The following CHRM2 variants were observed in gnomAD, a reference collection of about 807,000 sequenced individuals.
CHRM2 encodes muscarinic acetylcholine receptor M2.
A neutral mutation model predicts 25.0 loss-of-function variants in CHRM2; 8 were observed. The observed-to-expected ratio is 0.32, with a 90% CI of 0.19 to 0.58. The LOEUF is 0.58. Ranked by LOEUF, CHRM2 falls within the 20% of genes least tolerant of loss-of-function variation. The pLI, the probability that CHRM2 is intolerant of heterozygous loss-of-function variation, is 0.88. For missense variants in CHRM2, 440 were observed against 567.1 expected, an observed-to-expected ratio of 0.78 and a Z score of 2.28; for synonymous variants, 202 against 205.7, an observed-to-expected ratio of 0.98 and a Z score of 0.15.
intron 3 of CHRM2, among the ~76,000 whole-genome samples, chr7:136,994,521 C>CTTTTTTTTTTTTTTTTTT (rs757243972): frequency 4.2e-4 from 30 of 71,362 alleles, no homozygotes; most frequent in African/African-American, 8.5e-4. Flanking sequence ...TTTTTCTTTT[C>CTTTTTTTTTTTTTTTTTT]TTTTTTTTTT....
At chr7:136,896,327 G>A (rs1381538530) in intron 2 of CHRM2, among the ~76,000 whole-genome samples, 1 of 152,142 alleles carries the variant, frequency 6.6e-6, no homozygotes, top group Admixed American at 6.5e-5. Context: ...TTTCTCAATG[G>A]ACTGTGAAAG....
In CHRM2 at chr7:137,019,199, A is replaced by T. The variant is rs1316270529; in HGVS notation, c.*2933A>T. 2 of 151,914 alleles carry T rather than the reference A, an allele frequency of 1.3e-5. No homozygotes were observed. Among genetic ancestry groups the T allele is most frequent in the African/African-American group, 2.4e-5 (1 of 41,418 alleles). 9.4% of individuals were successfully genotyped at this position (151,914 alleles called of 1,614,324 possible). A position where few individuals can be genotyped will look rare whatever the true frequency, so the allele number is the denominator to read the frequency against. The stretch of plus-strand genomic sequence containing the variant: ...AAAATAACCCTGCATTATTTTTAGA[A>T]TATCAATGCAAATTCCTCACCTGTT... On this transcript the variant is annotated 3_prime_UTR_variant, in exon 4 of 4. Transcript: ENST00000680005.
intron 3 of CHRM2, among the ~76,000 whole-genome samples, chr7:137,012,317 T>C (rs1306114257): frequency 1.3e-5 from 2 of 152,054 alleles, no homozygotes; most frequent in Non-Finnish European, 2.9e-5. Context: ...AAAATGTTTT[T>C]GTTCAAATAA....
At chr7:136,999,574 T>A (rs1803848935) in intron 3 of CHRM2, among the ~76,000 whole-genome samples, 2 of 137,332 alleles carry the variant, frequency 1.5e-5, no homozygotes, top group African/African-American at 5.5e-5. Context: ...CAGGCCCCGG[T>A]GTATGATGTT....
intron 2 of CHRM2, among the ~76,000 whole-genome samples, chr7:136,935,577 T>C (rs894279475): frequency 2.0e-5 from 3 of 152,330 alleles, no homozygotes; most frequent in Admixed American, 6.5e-5. Context: ...GCTGTTTCCA[T>C]TGGGAGCTGT....
chr7:136,900,512 G>A (rs570106451), intron 2 of CHRM2, among the ~76,000 whole-genome samples: 57 of 152,062 alleles, frequency 3.7e-4, no homozygotes, highest in African/African-American at 1.1e-3. Context: ...CCAGAAACAA[G>A]GCTCACTTCT....
At chr7:136,911,375 C>G (rs1192766773) in intron 2 of CHRM2, among the ~76,000 whole-genome samples, 1 of 151,826 alleles carries the variant, frequency 6.6e-6, no homozygotes, top group African/African-American at 2.4e-5. Flanking sequence ...AATCTAACCA[C>G]TCTATAAATT....
At chr7:137,000,863 T>C (rs1803989370) in intron 3 of CHRM2, among the ~76,000 whole-genome samples, 1 of 152,164 alleles carries the variant, frequency 6.6e-6, no homozygotes, top group African/African-American at 2.4e-5. Flanking sequence ...CCAATTCGCT[T>C]AACCCCAGCA....
chr7:137,000,547 A>AGAAAGAAGGAAGGAAGGAAG (rs1803941932), intron 3 of CHRM2, among the ~76,000 whole-genome samples: 1 of 95,174 alleles, frequency 1.1e-5, no homozygotes, highest in African/African-American at 3.6e-5. Context: ...AAAGAAAGAA[A>AGAAAGAAGGAAGGAAGGAAG]GAAGGAAGGA....
At chr7:136,905,359 ATTCAT>A (rs1797476370) in intron 2 of CHRM2, among the ~76,000 whole-genome samples, 1 of 151,768 alleles carries the variant, frequency 6.6e-6, no homozygotes, top group South Asian at 2.1e-4. Context: ...TCATTATATT[ATTCAT>A]TTATTTTTGT....
intron 2 of CHRM2, among the ~76,000 whole-genome samples, chr7:136,925,105 C>T (rs1479352849): frequency 6.6e-6 from 1 of 152,106 alleles, no homozygotes; most frequent in Non-Finnish European, 1.5e-5. Flanking sequence ...GTTAATGTCC[C>T]ACTTAAAATG....
intron 2 of CHRM2, chr7:136,899,375 A>T (rs532610372): frequency 6.6e-6 from 1 of 152,140 alleles, no homozygotes; most frequent in Non-Finnish European, 1.5e-5. Flanking sequence ...TAAAAATGTG[A>T]ATAATTGGTT....
At chr7:136,920,628 T>C (rs1206667987) in intron 2 of CHRM2, among the ~76,000 whole-genome samples, 8 of 152,184 alleles carry the variant, frequency 5.3e-5, no homozygotes, top group Admixed American at 5.2e-4. Context: ...CTCTACACCC[T>C]AAGCATGTGT....
In CHRM2 at chr7:137,018,105, A is replaced by G. The variant is rs1805270869; in HGVS notation, c.*1839A>G. 1 of 151,868 alleles carries G rather than the reference A, an allele frequency of 6.6e-6. No homozygotes were observed. The allele number at this position is 151,868 out of a possible 1,614,324, so 9.4% of individuals were successfully genotyped here. A position where few individuals can be genotyped will look rare whatever the true frequency, so the allele number is the denominator to read the frequency against. Reference sequence around the variant, plus strand: ...TTAGTTACATGGTAAATTTATCAATATTAGACCCCAGCACTTAAAAGAATT... The same window carrying G: ...TTAGTTACATGGTAAATTTATCAATGTTAGACCCCAGCACTTAAAAGAATT... On this transcript the variant is annotated 3_prime_UTR_variant, in exon 4 of 4. Transcript: ENST00000680005.
At chr7:136,967,615 G>A (rs985281086) in intron 2 of CHRM2, among the ~76,000 whole-genome samples, 2 of 151,914 alleles carry the variant, frequency 1.3e-5, no homozygotes, top group African/African-American at 4.8e-5. Context: ...CTTCCAACTT[G>A]AGGACTGTAA....
chr7:136,871,426 G>A (rs1191439971), intron 2 of CHRM2: 1 of 152,670 alleles, frequency 6.6e-6, no homozygotes, highest in East Asian at 1.9e-4. Flanking sequence ...CTGGTGCTGG[G>A]ATGCGCCAGC....
rs1237642464 is a variant in CHRM2, at chr7:136,911,713, TC to T, written c.-125+42296del. On this transcript the variant is annotated intron_variant, in intron 2 of 3. Transcript: ENST00000680005. ...TTCCGTTTTCAAACCTGTTTACATG[TC>T]GAATTTTCTTGTCTCTTTTATGTAG... 2.6e-5 allele frequency among the ~76,000 whole-genome samples: 4 copies of T among 151,974 alleles called. No homozygotes were observed. In the East Asian group the frequency reaches 7.8e-4, roughly 29 times the overall value.
At chr7:136,916,353 T>C (rs1227038079) in intron 2 of CHRM2, among the ~76,000 whole-genome samples, 1 of 151,952 alleles carries the variant, frequency 6.6e-6, no homozygotes, top group African/African-American at 2.4e-5. Flanking sequence ...ACATTTATTA[T>C]AGAATAACAG....
chr7:136,924,260 G>A (rs952135565), intron 2 of CHRM2, among the ~76,000 whole-genome samples: 3 of 151,096 alleles, frequency 2.0e-5, no homozygotes, highest in African/African-American at 4.9e-5. Context: ...TGTGCACAAC[G>A]TGCAGGTTAG....
Sources: allele counts gnomAD v4.1 joint callset (sites outside exome capture counted in the v4.1 genomes callset), GRCh38; gene constraint gnomAD v4.1.1; transcripts MANE v1.5; gene names NCBI Gene and HGNC (gene_info 2026-07-23, HGNC 2026-07-21).